Variants in GSDME observed in about 807,000 individuals in gnomAD.
GSDME encodes gasdermin-E.
In GSDME, 44 loss-of-function variants were observed where a neutral mutation model predicts 47.5. That is an observed-to-expected ratio of 0.93 (90% confidence interval 0.73 to 1.19). The LOEUF (loss-of-function observed/expected upper bound fraction) is 1.19, where lower values mean the gene tolerates loss of function less well. Among genes scored for constraint, GSDME ranks in the 50% most tolerant of loss-of-function variants. GSDME has a pLI of 0.00. For missense variants in GSDME, 663 were observed against 604.2 expected (o/e 1.10, Z -1.02); for synonymous variants, 258 against 252.8 (o/e 1.02, Z -0.20).
In GSDME at chr7:24,742,021, C is replaced by G. The variant is rs1790508651; in HGVS notation, c.404+2541G>C. Among the ~76,000 whole-genome samples the G allele has an allele frequency of 6.6e-6, 1 of 152,252 alleles. No individual in the cohort carries two copies. The highest frequency in any genetic ancestry group is 2.1e-4 in the South Asian group (1 of 4,818). On this transcript the variant is annotated intron_variant, in intron 3 of 9. Transcript: ENST00000645220. This position sits in a 1 kb window ranked among gnomAD's most constrained non-coding sequence, Gnocchi z 4.4. Reference sequence around the variant, plus strand: ...ATCATGCTTCTGGTGGCACCACTCCCCAGGGCATCCCTTCCCCCATCACCA... The same window carrying G: ...ATCATGCTTCTGGTGGCACCACTCCGCAGGGCATCCCTTCCCCCATCACCA...
rs551010849 is a variant in GSDME at position 24,752,630 on chromosome 7, G to A, written c.-19-2837C>T. ...GAAGGAAAAGCCAGTTACCAAGAGA[G>A]GGAATTTGAAAGGAACAGATTTACT... is the stretch of plus-strand genomic sequence containing the variant. On this transcript the variant is annotated intron_variant, in intron 1 of 9. Transcript: ENST00000645220. Among the ~76,000 whole-genome samples the A allele has an allele frequency of 3.3e-5, 5 of 152,294 alleles. No homozygotes were observed. In the East Asian group the frequency reaches 9.6e-4, roughly 29 times the overall value.
chr7:24,762,470 G>A (rs1041676894), upstream of GSDME, among the ~76,000 whole-genome samples: 9 of 152,040 alleles, frequency 5.9e-5, no homozygotes, highest in East Asian at 1.9e-4. Context: ...TCTGATTATC[G>A]TTATTTTTAA....
intron 5 of GSDME, 84 bp downstream of exon 5, chr7:24,717,170 G>T: frequency 6.6e-7 from 1 of 1,507,924 alleles, no homozygotes. Flanking sequence ...CAAAGCAGTC[G>T]AGTCCTCTGG....
Position 24,718,984 on chromosome 7 carries a change from G to T in GSDME, c.576+63C>A, listed in dbSNP as rs1789671453. Reference sequence around the variant, plus strand: ...ACTAATGAAGACACCACCCAAAGAGGCCCCCAACCAAGGTCTCCAGGACTG... The same window carrying T: ...ACTAATGAAGACACCACCCAAAGAGTCCCCCAACCAAGGTCTCCAGGACTG... On this transcript the variant is annotated intron_variant, in intron 4 of 9. Coordinates refer to ENST00000645220, the MANE Select transcript of GSDME (RefSeq NM_001127453.2). The T allele has an allele frequency of 3.2e-6, 5 of 1,575,398 alleles. No individual in the cohort carries two copies. The African/African-American group carries it at 5.4e-5, about 17-fold the overall frequency.
chr7:24,755,542 G>C (rs1467747114), intron 1 of GSDME, among the ~76,000 whole-genome samples: 8 of 152,276 alleles, frequency 5.3e-5, no homozygotes, highest in African/African-American at 1.9e-4. Flanking sequence ...GACATCTCAG[G>C]GTTCCCCATG....
chr7:24,792,274 T>A, the GSDME span, among the ~76,000 whole-genome samples: 1 of 152,250 alleles, frequency 6.6e-6, no homozygotes, highest in African/African-American at 2.4e-5. Flanking sequence ...CAAAAACTGG[T>A]TGGGGCAGTC....
rs1399515243 is a variant in GSDME at position 24,756,981 on chromosome 7, G to C, written c.-20+415C>G. Among the ~76,000 whole-genome samples, 1 of 151,466 alleles carries C rather than the reference G, an allele frequency of 6.6e-6. No homozygotes were observed. The highest frequency in any genetic ancestry group is 2.0e-4 in the East Asian group (1 of 5,096). ...ACGCCCCCGAGCCGGGAGAGCCTCCGCAGCACCCAGAGAAGAGACCGGAAC... is the reference window on the plus strand; with the variant it reads ...ACGCCCCCGAGCCGGGAGAGCCTCCCCAGCACCCAGAGAAGAGACCGGAAC... On this transcript the variant is annotated intron_variant, in intron 1 of 9. Coordinates refer to ENST00000645220, the MANE Select transcript of GSDME (RefSeq NM_001127453.2). The surrounding 1 kb of genome is among the most constrained non-coding windows in gnomAD (Gnocchi z 4.2).
At position 24,750,829 on chromosome 7, in the gene GSDME, T is replaced by C. The variant is rs111406371; in HGVS notation, c.-19-1036A>G. 6.8e-3 allele frequency among the ~76,000 whole-genome samples: 1,038 copies of C among 152,222 alleles called. 10 individuals are homozygous for C. Among genetic ancestry groups the C allele is most frequent in the African/African-American group, 0.024 (993 of 41,542 alleles). On this transcript the variant is annotated intron_variant, in intron 1 of 9. Coordinates refer to ENST00000645220, the MANE Select transcript of GSDME (RefSeq NM_001127453.2). ...TTTAGCAGGAGGAGAAAAGAAGAGA[T>C]ACATTGGAAGATATAAAAAGGAAAA...
chr7:24,791,316 T>C, the GSDME span, among the ~76,000 whole-genome samples: 3 of 152,186 alleles, frequency 2.0e-5, no homozygotes, highest in African/African-American at 7.2e-5. This position sits in a 1 kb window ranked among gnomAD's most constrained non-coding sequence, Gnocchi z 4.8. Context: ...ATAAGGGCAG[T>C]CCAAACCTAG....
rs1789071222 is a variant in GSDME, at chr7:24,705,774, T to G, written c.1183+410A>C. On this transcript the variant is annotated intron_variant, in intron 8 of 9. Transcript: ENST00000645220. This position sits in a 1 kb window ranked among gnomAD's most constrained non-coding sequence, Gnocchi z 4.1. ...AGACAGGAGCACGCAGGGTGGGGAA[T>G]AACAAGTTTGCAAAGATCAGAAGGA... 3.0e-6 allele frequency: 1 copy of G among 333,732 alleles called. No individual in the cohort carries two copies. Among genetic ancestry groups the G allele is most frequent in the Non-Finnish European group, 5.8e-6 (1 of 171,710 alleles). The allele number at this position is 333,732 out of a possible 1,614,324, so 20.7% of individuals were successfully genotyped here. A position where few individuals can be genotyped will look rare whatever the true frequency, so the allele number is the denominator to read the frequency against.
At chr7:24,764,788 A>T in the GSDME span, among the ~76,000 whole-genome samples, 1 of 152,214 alleles carries the variant, frequency 6.6e-6, no homozygotes, top group Non-Finnish European at 1.5e-5. This position sits in a 1 kb window ranked among gnomAD's most constrained non-coding sequence, Gnocchi z 4.4. Context: ...TCACTGAGTT[A>T]CTGTGATTAG....
intron 8 of GSDME, chr7:24,703,599 T>C (rs1244063130): frequency 6.5e-6 from 1 of 154,030 alleles, no homozygotes; most frequent in Non-Finnish European, 1.4e-5. Flanking sequence ...CTGAATCAGG[T>C]AGCCGAGGGA....
intron 4 of GSDME, 68 bp downstream of exon 4, chr7:24,718,979 A>G: frequency 1.9e-6 from 3 of 1,569,500 alleles, no homozygotes; most frequent in Non-Finnish European, 2.6e-6. Context: ...ACACCACCCA[A>G]AGAGGCCCCC....
chr7:24,708,261 A>T lies in GSDME; in HGVS notation c.863-7T>A. ...CTCTCCAGGAGCAGGGTCGCTGTGA[A>T]AACAAAGCACACCCAAGTCTCATGA... On this transcript the variant is annotated splice_region_variant and splice_polypyrimidine_tract_variant and intron_variant, in intron 6 of 9. Coordinates refer to ENST00000645220, the MANE Select transcript of GSDME (RefSeq NM_001127453.2). The T allele has an allele frequency of 6.2e-7, 1 of 1,613,964 alleles. No individual in the cohort carries two copies. Among genetic ancestry groups the T allele is most frequent in the Non-Finnish European group, 8.5e-7 (1 of 1,180,024 alleles).
the GSDME span, among the ~76,000 whole-genome samples, chr7:24,774,910 C>G: frequency 6.6e-6 from 1 of 152,154 alleles, no homozygotes; most frequent in Non-Finnish European, 1.5e-5. Context: ...ACTACCCACA[C>G]AAGGCATGTG....
At chr7:24,770,742 T>C in the GSDME span, among the ~76,000 whole-genome samples, 1 of 150,392 alleles carries the variant, frequency 6.6e-6, no homozygotes, top group Admixed American at 6.6e-5. This position sits in a 1 kb window ranked among gnomAD's most constrained non-coding sequence, Gnocchi z 4.6. Context: ...TCAAAAATAC[T>C]GTAACAGAAA....
At chr7:24,758,138 C>T (rs1791102444), upstream of GSDME, 1 of 152,242 alleles carries the variant, frequency 6.6e-6, no homozygotes, top group Admixed American at 6.5e-5. This position sits in a 1 kb window ranked among gnomAD's most constrained non-coding sequence, Gnocchi z 4.6. Context: ...AATATTAGCT[C>T]TTTTTGTAAC....
rs765552525 is a variant in GSDME at position 24,742,067 on chromosome 7, G to A, written c.404+2495C>T. On this transcript the variant is annotated intron_variant, in intron 3 of 9. Coordinates refer to ENST00000645220, the MANE Select transcript of GSDME (RefSeq NM_001127453.2). This position sits in a 1 kb window ranked among gnomAD's most constrained non-coding sequence, Gnocchi z 4.4. ...CACCACTACAAGTAATAGGACTCCCGAGTCCAAGTGATCTCATCCCTGTGT... is the reference window on the plus strand; with the variant it reads ...CACCACTACAAGTAATAGGACTCCCAAGTCCAAGTGATCTCATCCCTGTGT... 7.2e-5 allele frequency among the ~76,000 whole-genome samples: 11 copies of A among 152,148 alleles called. No homozygotes were observed. The highest frequency in any genetic ancestry group is 3.2e-3 in the Middle Eastern group (1 of 316).
chr7:24,772,461 C>T, the GSDME span, among the ~76,000 whole-genome samples: 1 of 152,172 alleles, frequency 6.6e-6, no homozygotes, highest in Non-Finnish European at 1.5e-5. The surrounding 1 kb of genome is among the most constrained non-coding windows in gnomAD (Gnocchi z 4.5). Context: ...TAGAGTCATG[C>T]CTGTCTTTGC....
Sources: allele counts gnomAD v4.1 joint callset (sites outside exome capture counted in the v4.1 genomes callset), GRCh38; gene constraint gnomAD v4.1.1; non-coding constraint Gnocchi (gnomAD v3.1); transcripts MANE v1.5; gene names NCBI Gene and HGNC (gene_info 2026-07-23, HGNC 2026-07-21).